The following ARHGAP18 variants were observed in gnomAD, a reference collection of about 807,000 sequenced individuals.
ARHGAP18 encodes the protein Rho GTPase activating protein 18.
In ARHGAP18, 67 loss-of-function variants were observed where a neutral mutation model predicts 86.2. The observed-to-expected ratio is 0.78, with a 90% CI of 0.64 to 0.95. The LOEUF is 0.95. Among genes scored for constraint, ARHGAP18 ranks in the 40% least tolerant of loss-of-function variants. The pLI is 0.00. For synonymous variants in ARHGAP18, 283 were observed against 280.4 expected, an observed-to-expected ratio of 1.01 and a Z score of -0.09; for missense variants, 691 against 780.4, an observed-to-expected ratio of 0.89 and a Z score of 1.37.
At chr6:129,660,596 C>G (rs985300966) in intron 1 of ARHGAP18, among the ~76,000 whole-genome samples, 1 of 152,108 alleles carries the variant, frequency 6.6e-6, no homozygotes, top group Admixed American at 6.5e-5. Flanking sequence ...ATGTGCTCCA[C>G]GGACCAGCGG....
intron 10 of ARHGAP18, among the ~76,000 whole-genome samples, chr6:129,601,138 A>G (rs934329371): frequency 2.6e-5 from 4 of 152,182 alleles, no homozygotes; most frequent in African/African-American, 4.8e-5. Flanking sequence ...CCTCTGGCCT[A>G]TGGGAGTCAT....
intron 5 of ARHGAP18, among the ~76,000 whole-genome samples, chr6:129,623,006 C>CAAAAAAAAAAAAA (rs57274879): frequency 1.0e-4 from 4 of 39,672 alleles, no homozygotes; most frequent in African/African-American, 2.5e-4. Context: ...CATCTCAAAA[C>CAAAAAAAAAAAAA]AAAAAAAAAA....
chr6:129,661,269 C>A, intron 1 of ARHGAP18, among the ~76,000 whole-genome samples: 1 of 124,582 alleles, frequency 8.0e-6, no homozygotes, highest in Non-Finnish European at 1.6e-5. Context: ...AGGAAGATTG[C>A]ATGAGCCTAG....
At position 129,584,087 on chromosome 6, in the gene ARHGAP18, C is replaced by T. The variant is rs1023276017; in HGVS notation, c.1739G>A (p.Arg580Gln). ...NDADVPQGVI[R>Q]VQAPHLSKVS... ...TTTCGAAAGATGGGGAGCTTGCACT[C>T]GAATCACTCCCTGAGGAACGTCAGC... The change falls in exon 13 of 15, where the codon CGA (arginine) becomes CAA (glutamine). Residue 580 changes from arginine to glutamine, a missense_variant. Coordinates refer to ENST00000368149, the MANE Select transcript of ARHGAP18 (RefSeq NM_033515.3). The T allele has an allele frequency of 4.3e-6, 7 of 1,613,444 alleles. No individual in the cohort carries two copies. The highest frequency in any genetic ancestry group is 3.3e-5 in the Admixed American group (2 of 59,942).
intron 1 of ARHGAP18, among the ~76,000 whole-genome samples, chr6:129,662,923 A>C (rs929156058): frequency 6.6e-6 from 1 of 152,232 alleles, no homozygotes; most frequent in Admixed American, 6.5e-5. Context: ...TGTTAATTAA[A>C]ATTTTATTAT....
chr6:129,612,994 G>A (rs547379395), intron 7 of ARHGAP18, among the ~76,000 whole-genome samples: 1 of 152,248 alleles, frequency 6.6e-6, no homozygotes, highest in African/African-American at 2.4e-5. Flanking sequence ...AGCACTTTGG[G>A]AGGGCGAGGC....
At chr6:129,676,915 CTTTTTTTTTTTTTTTTTTTTT>C (rs10688716) in intron 1 of ARHGAP18, among the ~76,000 whole-genome samples, 1 of 37,958 alleles carries the variant, frequency 2.6e-5, no homozygotes, top group Non-Finnish European at 5.9e-5. Flanking sequence ...TTTTTGTCCT[CTTTTTTTTTTTTTTTTTTTTT>C]TTTTTTTTTT....
intron 10 of ARHGAP18, among the ~76,000 whole-genome samples, chr6:129,602,177 C>T (rs1788760791): frequency 6.6e-6 from 1 of 152,088 alleles, no homozygotes; most frequent in Admixed American, 6.6e-5. Flanking sequence ...ATTCAATGTT[C>T]TCTATGAATG....
intron 10 of ARHGAP18, among the ~76,000 whole-genome samples, chr6:129,601,291 T>C (rs1424681549): frequency 6.6e-6 from 1 of 152,204 alleles, no homozygotes; most frequent in African/African-American, 2.4e-5. Flanking sequence ...GCAATCAATA[T>C]CTGGCTGATG....
chr6:129,629,259 A>ATG (rs1420760433), intron 5 of ARHGAP18, 94 bp downstream of exon 5: 18 of 1,018,742 alleles, frequency 1.8e-5, no homozygotes, highest in African/African-American at 5.0e-5. Flanking sequence ...ATATATATAT[A>ATG]TATGTGTGTG....
chr6:129,672,389 C>G (rs1260778952), intron 1 of ARHGAP18, among the ~76,000 whole-genome samples: 2 of 152,216 alleles, frequency 1.3e-5, no homozygotes, highest in African/African-American at 4.8e-5. Context: ...TTCCTTCCTT[C>G]CCACTCCCAA....
At chr6:129,705,127 G>C (rs1292834189) in intron 1 of ARHGAP18, among the ~76,000 whole-genome samples, 1 of 152,082 alleles carries the variant, frequency 6.6e-6, no homozygotes, top group African/African-American at 2.4e-5. Context: ...ATGTTTGTCT[G>C]GTTTATTTCC....
At position 129,648,583 on chromosome 6, in the gene ARHGAP18, G is replaced by A. The variant is rs142567399; in HGVS notation, c.114-6565C>T. Among the ~76,000 whole-genome samples, 946 of 151,624 alleles carry A rather than the reference G, an allele frequency of 6.2e-3. 13 individuals are homozygous for A. The highest frequency in any genetic ancestry group is 0.022 in the African/African-American group (909 of 41,382). On this transcript the variant is annotated intron_variant, in intron 1 of 14. Coordinates refer to ENST00000368149, the MANE Select transcript of ARHGAP18 (RefSeq NM_033515.3). The stretch of plus-strand genomic sequence containing the variant: ...GCCCAGAAGTTCAAGACCAGCCTGG[G>A]CAACTAATAAGACACACATCTCTAT...
At position 129,638,375 on chromosome 6, in the gene ARHGAP18, A is replaced by T. The variant is rs1433859587; in HGVS notation, c.552+19T>A. Reference sequence around the variant, plus strand: ...TAAGCAATTATTCCTTTGCCTTAACATCAAAAAAGAAAACCTACTGTTTCT... The same window carrying T: ...TAAGCAATTATTCCTTTGCCTTAACTTCAAAAAAGAAAACCTACTGTTTCT... On this transcript the variant is annotated intron_variant, in intron 3 of 14. Coordinates refer to ENST00000368149, the MANE Select transcript of ARHGAP18 (RefSeq NM_033515.3). The T allele has an allele frequency of 1.2e-6, 2 of 1,606,016 alleles. No individual in the cohort carries two copies.
intron 1 of ARHGAP18, chr6:129,661,727 G>C: frequency 7.5e-6 from 2 of 265,174 alleles, no homozygotes; most frequent in Non-Finnish European, 1.2e-5. Flanking sequence ...TTGGCAGCAA[G>C]GTGAGATTCA....
chr6:129,599,507 C>A (rs1320932352), intron 11 of ARHGAP18, 151 bp from the exon 12 acceptor site: 9 of 690,040 alleles, frequency 1.3e-5, no homozygotes, highest in Non-Finnish European at 1.9e-5. Flanking sequence ...TTCATTAAAT[C>A]TGTGAAAAGA....
At chr6:129,653,055 G>C (rs1235312029) in intron 1 of ARHGAP18, among the ~76,000 whole-genome samples, 1 of 152,078 alleles carries the variant, frequency 6.6e-6, no homozygotes, top group East Asian at 1.9e-4. Flanking sequence ...ACCATATTAT[G>C]AAAGAGACAT....
At chr6:129,650,342 C>A (rs115184167) in intron 1 of ARHGAP18, among the ~76,000 whole-genome samples, 1 of 152,024 alleles carries the variant, frequency 6.6e-6, no homozygotes, top group Non-Finnish European at 1.5e-5. Context: ...AGGAGACAGC[C>A]GAGGCAGGTT....
chr6:129,680,921 G>A (rs1194413888), intron 1 of ARHGAP18, among the ~76,000 whole-genome samples: 1 of 152,182 alleles, frequency 6.6e-6, no homozygotes, highest in African/African-American at 2.4e-5. Flanking sequence ...AGTGGAGGAT[G>A]GGCCAAATCT....
Sources: allele counts gnomAD v4.1 joint callset (sites outside exome capture counted in the v4.1 genomes callset), GRCh38; gene constraint gnomAD v4.1.1; transcripts MANE v1.5; gene names NCBI Gene and HGNC (gene_info 2026-07-23, HGNC 2026-07-21).